The following ZNF532 variants were observed in gnomAD, a reference collection of about 807,000 sequenced individuals.
ZNF532 encodes the protein zinc finger protein 532.
In ZNF532, 22 loss-of-function variants were observed where a neutral mutation model predicts 89.3. That is an observed-to-expected ratio of 0.25 (90% CI 0.18 to 0.35). The LOEUF is 0.35. Among genes scored for constraint, ZNF532 ranks in the 10% least tolerant of loss-of-function variants. The probability of loss-of-function intolerance (pLI) is 1.00; values close to 1 mark genes in which losing one functional copy is unlikely to be tolerated. For missense variants in ZNF532, 1,132 were observed against 1,643.4 expected, an observed-to-expected ratio of 0.69 and a Z score of 5.38; for synonymous variants, 606 against 649.6, an observed-to-expected ratio of 0.93 and a Z score of 1.02.
At chr18:58,920,855 A>G (rs1568329694) in intron 3 of ZNF532, among the ~76,000 whole-genome samples, 2 of 151,644 alleles carry the variant, frequency 1.3e-5, no homozygotes, top group Non-Finnish European at 2.9e-5. Flanking sequence ...TTGTTTTCAT[A>G]GAATAGAAAC....
intron 2 of ZNF532, among the ~76,000 whole-genome samples, chr18:58,876,789 G>A (rs900052881): frequency 4.6e-5 from 7 of 152,208 alleles, no homozygotes; most frequent in Non-Finnish European, 1.0e-4. Context: ...CTAGTGCAAT[G>A]GCTCACGCCT....
chr18:58,951,645 T>TGTTTTTTTTTTGGG (rs1555746525), intron 6 of ZNF532, among the ~76,000 whole-genome samples: 1 of 88,934 alleles, frequency 1.1e-5, no homozygotes, highest in Non-Finnish European at 2.0e-5. Context: ...CTCGCCCTGT[T>TGTTTTTTTTTTGGG]GTTTTTTTTT....
At chr18:58,874,534 T>C (rs1409281817) in intron 2 of ZNF532, among the ~76,000 whole-genome samples, 5 of 152,104 alleles carry the variant, frequency 3.3e-5, no homozygotes, top group African/African-American at 1.2e-4. Flanking sequence ...TAGTAGAGAC[T>C]GGGTTTCACC....
At chr18:58,940,274 T>C (rs932818606) in intron 5 of ZNF532, 1 of 152,198 alleles carries the variant, frequency 6.6e-6, no homozygotes, top group Non-Finnish European at 1.5e-5. Flanking sequence ...TAGTTCCTTT[T>C]TTATAGGGTA....
chr18:58,944,825 C>T (rs186912902), intron 5 of ZNF532, among the ~76,000 whole-genome samples: 1 of 152,328 alleles, frequency 6.6e-6, no homozygotes, highest in Admixed American at 6.5e-5. Flanking sequence ...TGCATCTTTG[C>T]ATCTTTTTCC....
chr18:58,945,956 C>T (rs1411487188), intron 5 of ZNF532, among the ~76,000 whole-genome samples: 2 of 152,048 alleles, frequency 1.3e-5, no homozygotes, highest in Non-Finnish European at 2.9e-5. Flanking sequence ...GTCTCAATCT[C>T]CTGACCTTGT....
intron 8 of ZNF532, chr18:58,979,831 C>T (rs2067523863): frequency 2.0e-5 from 3 of 152,346 alleles, no homozygotes; most frequent in Admixed American, 1.3e-4. Context: ...GCCCTTTGCC[C>T]CTTGGCTGCA....
At chr18:58,963,706 C>G (rs2147254192) in intron 7 of ZNF532, among the ~76,000 whole-genome samples, 1 of 149,748 alleles carries the variant, frequency 6.7e-6, no homozygotes, top group Admixed American at 6.7e-5. Context: ...GCCTGTAATC[C>G]TAACACTTTC....
At chr18:58,924,488 G>A (rs979671920) in intron 3 of ZNF532, among the ~76,000 whole-genome samples, 3 of 152,204 alleles carry the variant, frequency 2.0e-5, no homozygotes, top group Admixed American at 2.0e-4. Context: ...TAGACTGGCA[G>A]GTCCATCGCC....
intron 2 of ZNF532, among the ~76,000 whole-genome samples, chr18:58,915,901 T>C: frequency 6.6e-6 from 1 of 152,316 alleles, no homozygotes; most frequent in Middle Eastern, 3.4e-3. Flanking sequence ...GTATAAAGTC[T>C]TTTGCTCACC....
intron 2 of ZNF532, among the ~76,000 whole-genome samples, chr18:58,888,876 T>TTA (rs1289018543): frequency 2.1e-4 from 9 of 42,326 alleles, no homozygotes; most frequent in South Asian, 7.7e-4. Context: ...ATAATATATA[T>TTA]TATATATATA....
intron 4 of ZNF532, among the ~76,000 whole-genome samples, chr18:58,934,935 T>G (rs1821806803): frequency 2.0e-5 from 3 of 152,150 alleles, no homozygotes; most frequent in Admixed American, 2.0e-4. Context: ...CTTTGCATTT[T>G]AACCCCTGCA....
chr18:58,879,013 A>G (rs1001617662), intron 2 of ZNF532, among the ~76,000 whole-genome samples: 8 of 152,154 alleles, frequency 5.3e-5, no homozygotes, highest in Non-Finnish European at 1.2e-4. Context: ...CCTCTGTCCT[A>G]CTTGCAGTTC....
Position 58,981,565 on chromosome 18 carries a change from A to T in ZNF532, c.3359A>T (p.Glu1120Val), listed in dbSNP as rs1289536840. 10 of 1,614,122 alleles carry T rather than the reference A, an allele frequency of 6.2e-6. No homozygotes were observed. The highest frequency in any genetic ancestry group is 8.5e-6 in the Non-Finnish European group (10 of 1,180,024). Residue 1120 changes from glutamate to valine, a missense_variant, in exon 9 of 10, where the codon GAA (glutamate) becomes GTA (valine). Around this residue, in one of 9 missense-constraint regions of ZNF532, gnomAD observed 415 missense variants for 604.8 expected, o/e 0.69. Coordinates refer to ENST00000591808, the MANE Select transcript of ZNF532 (RefSeq NM_001375912.1). ...GGCATCAAGGACCCTGACCTGAAAGAAATGACAGATGCCACCAATGAGGAG... is the reference window on the plus strand; with the variant it reads ...GGCATCAAGGACCCTGACCTGAAAGTAATGACAGATGCCACCAATGAGGAG... ...MHGIKDPDLK[E>V]MTDATNEEET...
chr18:58,953,706 A>G lies in ZNF532; in HGVS notation c.3057A>G (p.Lys1019=). The G allele has an allele frequency of 6.2e-7, 1 of 1,614,078 alleles. No homozygotes were observed. The change falls in exon 7 of 10, where the codon AAA becomes AAG. Residue 1019 remains lysine, a synonymous_variant. Coordinates refer to ENST00000591808, the MANE Select transcript of ZNF532 (RefSeq NM_001375912.1). ...TGAAAAAATCAATGGAAACCAAGAA[A>G]GTGGCCAGTCCTGGGTGGACGTGTT... ...SPVKKSMETK[K]VASPGWTCWE...
chr18:58,923,396 G>A (rs2061280390), intron 3 of ZNF532, among the ~76,000 whole-genome samples: 1 of 151,672 alleles, frequency 6.6e-6, no homozygotes, highest in Non-Finnish European at 1.5e-5. Flanking sequence ...GACCCAAGAG[G>A]GGAGTGTGGC....
At chr18:58,962,513 C>T (rs17065338) in intron 7 of ZNF532, among the ~76,000 whole-genome samples, 4 of 151,978 alleles carry the variant, frequency 2.6e-5, no homozygotes, top group African/African-American at 9.7e-5. Context: ...TAGCTGCACA[C>T]GAGAATCACC....
intron 2 of ZNF532, among the ~76,000 whole-genome samples, chr18:58,897,006 T>C (rs1342173980): frequency 6.6e-6 from 1 of 152,226 alleles, no homozygotes; most frequent in Non-Finnish European, 1.5e-5. Flanking sequence ...GGTTTTGTTC[T>C]GGGGTCTAGT....
At chr18:58,947,621 G>A (rs946309832) in intron 5 of ZNF532, among the ~76,000 whole-genome samples, 3 of 152,076 alleles carry the variant, frequency 2.0e-5, no homozygotes, top group African/African-American at 4.8e-5. Context: ...GACTCTAAAT[G>A]AAAACTTTGG....
Sources: allele counts gnomAD v4.1 joint callset (sites outside exome capture counted in the v4.1 genomes callset), GRCh38; gene constraint gnomAD v4.1.1; regional missense constraint gnomAD v4.1.1; transcripts MANE v1.5; gene names NCBI Gene and HGNC (gene_info 2026-07-23, HGNC 2026-07-21).